Variants in CLN8 observed in about 807,000 individuals in gnomAD.
The protein encoded by CLN8 is protein CLN8.
CLN8 carries 14 observed loss-of-function variants against 15.7 expected under a neutral mutation model. The observed-to-expected ratio is 0.89, with a 90% CI of 0.59 to 1.39. The LOEUF (loss-of-function observed/expected upper bound fraction) is 1.39, where lower values mean the gene tolerates loss of function less well. Ranked by LOEUF, CLN8 falls within the 40% of genes most tolerant of loss-of-function variation. The pLI, the probability that CLN8 is intolerant of heterozygous loss-of-function variation, is 0.00. For missense variants in CLN8, 415 were observed against 364.0 expected, an observed-to-expected ratio of 1.14 and a Z score of -1.14; for synonymous variants, 188 against 151.0, an observed-to-expected ratio of 1.25 and a Z score of -1.80.
intron 2 of CLN8, among the ~76,000 whole-genome samples, chr8:1,772,739 C>G (rs960080612): frequency 6.6e-6 from 1 of 152,132 alleles, no homozygotes; most frequent in Non-Finnish European, 1.5e-5. Flanking sequence ...CTTGGCCTCC[C>G]AAAATGCTGG....
chr8:1,771,132 G>C lies in CLN8; in HGVS notation c.78G>C (p.Thr26=). The part of the protein sequence containing the change: ...LDYASWGIRS[T]LMVAGFVFYL... Reference sequence around the variant, plus strand: ...ATGCATCCTGGGGGATCCGCTCCACGCTGATGGTCGCTGGCTTTGTCTTCT... The same window carrying C: ...ATGCATCCTGGGGGATCCGCTCCACCCTGATGGTCGCTGGCTTTGTCTTCT... The change falls in exon 2 of 3, where the codon ACG becomes ACC. Residue 26 remains threonine (T), a synonymous_variant. Coordinates refer to ENST00000331222, the MANE Select transcript of CLN8 (RefSeq NM_018941.4). 6.2e-7 allele frequency: 1 copy of C among 1,614,030 alleles called. No homozygotes were observed. Among genetic ancestry groups the C allele is most frequent in the Non-Finnish European group, 8.5e-7 (1 of 1,180,016 alleles).
chr8:1,783,634 G>A lies in CLN8; in HGVS notation c.*3067G>A, dbSNP rs1801760546. On this transcript the variant is annotated 3_prime_UTR_variant, in exon 3 of 3. Coordinates refer to ENST00000331222, the MANE Select transcript of CLN8 (RefSeq NM_018941.4). ...GCGCTGCGGGGGCTGGGCCGCACAGGCTTCTGCCCTTCTCGGTGTCCAGGC... is the reference window on the plus strand; with the variant it reads ...GCGCTGCGGGGGCTGGGCCGCACAGACTTCTGCCCTTCTCGGTGTCCAGGC... The A allele has an allele frequency of 6.6e-6, 1 of 152,140 alleles. No individual in the cohort carries two copies. The allele number at this position is 152,140 out of a possible 1,614,324, so 9.4% of individuals were successfully genotyped here.
upstream of CLN8, among the ~76,000 whole-genome samples, chr8:1,761,010 A>ATTT (rs1334023513): frequency 7.6e-6 from 1 of 131,190 alleles, no homozygotes; most frequent in African/African-American, 2.9e-5. Flanking sequence ...GACTATAGCC[A>ATTT]TCTTTTTTTT....
chr8:1,761,744 G>A (rs916366350), upstream of CLN8, among the ~76,000 whole-genome samples: 9 of 152,226 alleles, frequency 5.9e-5, no homozygotes, highest in African/African-American at 9.6e-5. Context: ...GGCCTGAGCC[G>A]GTTGCTGAGT....
At chr8:1,760,476 G>C (rs1184646247), upstream of CLN8, 1 of 152,188 alleles carries the variant, frequency 6.6e-6, no homozygotes, top group Non-Finnish European at 1.5e-5. Flanking sequence ...GGTTATACCT[G>C]TGATCAGTTA....
intron 2 of CLN8, among the ~76,000 whole-genome samples, chr8:1,775,888 G>A (rs889204203): frequency 6.6e-6 from 1 of 152,242 alleles, no homozygotes; most frequent in African/African-American, 2.4e-5. Context: ...CAGGTGCCGG[G>A]TCATAACAAA....
chr8:1,780,424 C>T lies in CLN8; in HGVS notation c.718C>T (p.Leu240=). ...GACACTGTTCCTTGTCGGACTGGCT[C>T]TGCTTACGCTAATCATTAATCCATA... ...HLTLFLVGLA[L]LTLIINPYWT... is the part of the protein sequence containing the mutation. The change falls in exon 3 of 3, where the codon CTG becomes TTG. Residue 240 remains leucine, a synonymous_variant. Coordinates refer to ENST00000331222, the MANE Select transcript of CLN8 (RefSeq NM_018941.4). 6.2e-7 allele frequency: 1 copy of T among 1,614,230 alleles called. No individual in the cohort carries two copies. Among genetic ancestry groups the T allele is most frequent in the African/African-American group, 1.3e-5 (1 of 75,058 alleles).
chr8:1,779,528 A>G (rs955666265), intron 2 of CLN8, among the ~76,000 whole-genome samples: 4 of 152,220 alleles, frequency 2.6e-5, no homozygotes, highest in African/African-American at 9.6e-5. Flanking sequence ...TATAGGCGTG[A>G]GCCACCGTGC....
chr8:1,776,132 GCA>G (rs1242942066), intron 2 of CLN8, among the ~76,000 whole-genome samples: 1 of 152,204 alleles, frequency 6.6e-6, no homozygotes, highest in African/African-American at 2.4e-5. Flanking sequence ...TCTGTGAGGG[GCA>G]CACATGCGTG....
chr8:1,761,646 G>C (rs1040909594), upstream of CLN8, among the ~76,000 whole-genome samples: 3 of 152,164 alleles, frequency 2.0e-5, no homozygotes, highest in Non-Finnish European at 4.4e-5. Flanking sequence ...AGTTTTTAAG[G>C]ATAATTTGGT....
chr8:1,780,616 C>G lies in CLN8; in HGVS notation c.*49C>G. ...CGGCAGCAGAGCTGGCACACCGATT[C>G]TGGGAAGCCCCGCGAATGATGGCTT... On this transcript the variant is annotated 3_prime_UTR_variant, in exon 3 of 3. Coordinates refer to ENST00000331222, the MANE Select transcript of CLN8 (RefSeq NM_018941.4). 2.5e-6 allele frequency: 4 copies of G among 1,569,338 alleles called. No homozygotes were observed. Among genetic ancestry groups the G allele is most frequent in the African/African-American group, 2.7e-5 (2 of 74,060 alleles).
rs1801691278 is a variant in CLN8, at chr8:1,780,694, A to C, written c.*127A>C. On this transcript the variant is annotated 3_prime_UTR_variant, in exon 3 of 3. Coordinates refer to ENST00000331222, the MANE Select transcript of CLN8 (RefSeq NM_018941.4). ...GTGTTTACTTCTAAGGGAAATACTA[A>C]CTTTCTTTCGCATTAGTATTAATTT... 2.4e-6 allele frequency: 2 copies of C among 828,722 alleles called. No individual in the cohort carries two copies. Among genetic ancestry groups the C allele is most frequent in the Non-Finnish European group, 3.8e-6 (2 of 531,116 alleles). The allele number at this position is 828,722 out of a possible 1,614,324, so 51.3% of individuals were successfully genotyped here. A position where few individuals can be genotyped will look rare whatever the true frequency, so the allele number is the denominator to read the frequency against.
intron 2 of CLN8, among the ~76,000 whole-genome samples, chr8:1,776,376 CAT>C (rs768766577): frequency 2.0e-5 from 3 of 152,234 alleles, no homozygotes; most frequent in South Asian, 4.1e-4. Flanking sequence ...TGTACACACA[CAT>C]GTGATAACAG....
At position 1,773,746 on chromosome 8, in the gene CLN8, T is replaced by G. The variant is rs1223673328; in HGVS notation, c.543+2149T>G. On this transcript the variant is annotated intron_variant, in intron 2 of 2. Coordinates refer to ENST00000331222, the MANE Select transcript of CLN8 (RefSeq NM_018941.4). Reference sequence around the variant, plus strand: ...AGGTGTGTGCTGGAGGAAGAGGCCTTGGCCTGTGCTCCGCATTGCCTACTC... The same window carrying G: ...AGGTGTGTGCTGGAGGAAGAGGCCTGGGCCTGTGCTCCGCATTGCCTACTC... 4 of 152,336 alleles carry G rather than the reference T, an allele frequency of 2.6e-5. No homozygotes were observed. The East Asian group carries it at 7.7e-4, about 29-fold the overall frequency. The allele number at this position is 152,336 out of a possible 1,614,324, so 9.4% of individuals were successfully genotyped here.
intron 1 of CLN8, among the ~76,000 whole-genome samples, chr8:1,768,907 T>C (rs1585133899): frequency 1.3e-5 from 2 of 152,220 alleles, no homozygotes; most frequent in East Asian, 1.9e-4. Context: ...AGTCTTGATA[T>C]ATAGCATGAC....
intron 1 of CLN8, among the ~76,000 whole-genome samples, chr8:1,765,969 A>G (rs1306070517): frequency 1.3e-5 from 2 of 152,154 alleles, no homozygotes; most frequent in Non-Finnish European, 2.9e-5. Flanking sequence ...AATTATCTCA[A>G]TGAAAAACAA....
chr8:1,780,189 T>C, intron 2 of CLN8, 61 bp from the exon 3 acceptor site: 2 of 1,613,986 alleles, frequency 1.2e-6, no homozygotes, highest in Non-Finnish European at 1.7e-6. Flanking sequence ...CTTTTTGTGA[T>C]GTGAAGAATG....
At chr8:1,758,849 A>G (rs1800728964), upstream of CLN8, 1 of 152,184 alleles carries the variant, frequency 6.6e-6, no homozygotes, top group African/African-American at 2.4e-5. Context: ...CAGAGCTCTT[A>G]TTGGACCTAA....
intron 1 of CLN8, chr8:1,758,571 T>C (rs1292173980): frequency 6.6e-6 from 1 of 152,254 alleles, no homozygotes; most frequent in Non-Finnish European, 1.5e-5. Context: ...CACAGTATCG[T>C]ATTTCAAAAT....
Sources: allele counts gnomAD v4.1 joint callset (sites outside exome capture counted in the v4.1 genomes callset), GRCh38; gene constraint gnomAD v4.1.1; transcripts MANE v1.5; gene names NCBI Gene and HGNC (gene_info 2026-07-23, HGNC 2026-07-21).